Variants in DDR2 observed in about 807,000 individuals in gnomAD.
The protein encoded by DDR2 is discoidin domain-containing receptor 2.
In DDR2, 27 loss-of-function variants were observed where a neutral mutation model predicts 94.9. That is an observed-to-expected ratio of 0.28 (90% CI 0.21 to 0.39). The LOEUF (loss-of-function observed/expected upper bound fraction) is 0.39, where lower values mean the gene tolerates loss of function less well. Among genes scored for constraint, DDR2 ranks in the 10% least tolerant of loss-of-function variants. The pLI, the probability that DDR2 is intolerant of heterozygous loss-of-function variation, is 1.00. For missense variants in DDR2, 783 were observed against 1,076.0 expected, an observed-to-expected ratio of 0.73 and a Z score of 3.81; for synonymous variants, 382 against 377.2, an observed-to-expected ratio of 1.01 and a Z score of -0.15.
At chr1:162,639,752 T>TA (rs1234457244) in intron 1 of DDR2, among the ~76,000 whole-genome samples, 1 of 152,232 alleles carries the variant, frequency 6.6e-6, no homozygotes, top group African/African-American at 2.4e-5. Flanking sequence ...CGGTTCAACT[T>TA]ACGATTTTTC....
At chr1:162,705,966 G>A (rs575361041) in intron 2 of DDR2, among the ~76,000 whole-genome samples, 3 of 152,320 alleles carry the variant, frequency 2.0e-5, no homozygotes, top group Non-Finnish European at 4.4e-5. Flanking sequence ...GTCTTGAGGA[G>A]GAGATAAAAA....
At chr1:162,755,425 G>A in intron 6 of DDR2, 122 bp downstream of exon 6, 1 of 1,315,796 alleles carries the variant, frequency 7.6e-7, no homozygotes. Flanking sequence ...GCCCTCTTGG[G>A]AAGAATAGAG....
intron 3 of DDR2, among the ~76,000 whole-genome samples, chr1:162,732,257 T>C (rs1426501366): frequency 6.6e-6 from 1 of 152,200 alleles, no homozygotes; most frequent in Admixed American, 6.5e-5. Flanking sequence ...AAATAATCTT[T>C]CTTGGCCCCC....
chr1:162,726,581 T>C (rs1661676560), intron 3 of DDR2, among the ~76,000 whole-genome samples: 1 of 152,126 alleles, frequency 6.6e-6, no homozygotes, highest in Admixed American at 6.6e-5. Context: ...CTGTTGTCAG[T>C]AGGGATAGAG....
rs1663406569 is a variant in DDR2 at position 162,755,320 on chromosome 1, G to A, written c.565+17G>A. 3 of 1,613,424 alleles carry A rather than the reference G, an allele frequency of 1.9e-6. No individual in the cohort carries two copies. In the East Asian group the frequency reaches 6.7e-5, roughly 36 times the overall value. ...TCTGGCTAGGTAGGTCACTAGCCCA[G>A]GAAGCCTATAGACTTTATTAAAAAC... On this transcript the variant is annotated intron_variant, in intron 6 of 17. Coordinates refer to ENST00000367921, the MANE Select transcript of DDR2 (RefSeq NM_006182.4).
chr1:162,750,302 A>T (rs574295807), intron 3 of DDR2, among the ~76,000 whole-genome samples: 1 of 152,344 alleles, frequency 6.6e-6, no homozygotes, highest in East Asian at 1.9e-4. Context: ...AAGTCTCAGG[A>T]TACAAAATCA....
intron 12 of DDR2, 48 bp downstream of exon 12, chr1:162,770,560 G>GC: frequency 6.4e-7 from 1 of 1,573,564 alleles, no homozygotes; most frequent in South Asian, 1.1e-5. Flanking sequence ...ACCTCAGCAA[G>GC]CATCAGGTAG....
At position 162,782,112 on chromosome 1, in the gene DDR2, A is replaced by G. The variant is rs1647934393; in HGVS notation, c.*1866A>G. On this transcript the variant is annotated 3_prime_UTR_variant, in exon 18 of 18. Transcript: ENST00000367921. Reference sequence around the variant, plus strand: ...TCCCAGGACTAACTGTGGAGAAATCATTGGTTTGAGAGTCAAGAGAGCATT... The same window carrying G: ...TCCCAGGACTAACTGTGGAGAAATCGTTGGTTTGAGAGTCAAGAGAGCATT... 6.6e-6 allele frequency: 1 copy of G among 152,200 alleles called. No individual in the cohort carries two copies. Among genetic ancestry groups the G allele is most frequent in the African/African-American group, 2.4e-5 (1 of 41,440 alleles). 9.4% of individuals were successfully genotyped at this position (152,200 alleles called of 1,614,324 possible). A position where few individuals can be genotyped will look rare whatever the true frequency, so the allele number is the denominator to read the frequency against.
chr1:162,727,260 G>GTAAATA (rs964702702), intron 3 of DDR2, among the ~76,000 whole-genome samples: 3 of 54,812 alleles, frequency 5.5e-5, no homozygotes, highest in African/African-American at 1.3e-4. Flanking sequence ...TTTATATTTT[G>GTAAATA]TAAATATAAA....
At chr1:162,760,041 A>G in intron 8 of DDR2, 62 bp downstream of exon 8, 3 of 1,610,112 alleles carry the variant, frequency 1.9e-6, no homozygotes, top group Non-Finnish European at 2.5e-6. Flanking sequence ...TGTGGTAGAG[A>G]AAAGGCATGC....
In DDR2 at chr1:162,776,193, C is replaced by G. The variant is rs2102198641; in HGVS notation, c.2106C>G (p.Ser702=). 8 of 1,613,528 alleles carry G rather than the reference C, an allele frequency of 5.0e-6. No individual in the cohort carries two copies. The highest frequency in any genetic ancestry group is 6.8e-6 in the Non-Finnish European group (8 of 1,179,812). Residue 702 remains serine (S), a synonymous_variant, in exon 16 of 18, where the codon TCC becomes TCG. Transcript: ENST00000367921. ...TQIASGMKYL[S]SLNFVHRDLA... is the part of the protein sequence containing the mutation. ...TTGCCTCTGGCATGAAGTACCTTTCCTCTCTTAATTTTGTTCACCGAGATC... is the reference window on the plus strand; with the variant it reads ...TTGCCTCTGGCATGAAGTACCTTTCGTCTCTTAATTTTGTTCACCGAGATC...
intron 10 of DDR2, among the ~76,000 whole-genome samples, chr1:162,766,693 G>T (rs1324796318): frequency 6.6e-6 from 1 of 152,118 alleles, no homozygotes; most frequent in African/African-American, 2.4e-5. Context: ...CACATGGAGA[G>T]GGGGAGACTA....
At chr1:162,777,699 T>G (rs1166022103) in intron 16 of DDR2, 1 of 152,196 alleles carries the variant, frequency 6.6e-6, no homozygotes, top group African/African-American at 2.4e-5. Context: ...ACCTCTCCTG[T>G]TTCATTTTTC....
intron 1 of DDR2, among the ~76,000 whole-genome samples, chr1:162,650,300 T>A (rs999574826): frequency 1.1e-4 from 16 of 147,620 alleles, no homozygotes; most frequent in African/African-American, 3.5e-4. Context: ...AAAAAAAAAA[T>A]AATAATAATA....
At chr1:162,699,316 C>T (rs1571214189) in intron 2 of DDR2, among the ~76,000 whole-genome samples, 1 of 152,324 alleles carries the variant, frequency 6.6e-6, no homozygotes, top group African/African-American at 2.4e-5. Context: ...TCTAAAGGAT[C>T]TATGTTCACT....
intron 3 of DDR2, among the ~76,000 whole-genome samples, chr1:162,736,766 A>G (rs1420571628): frequency 6.6e-6 from 1 of 152,206 alleles, no homozygotes; most frequent in African/African-American, 2.4e-5. Context: ...AAGAATGGGC[A>G]GTGTGGTATT....
At chr1:162,654,617 T>C (rs894677206) in intron 1 of DDR2, among the ~76,000 whole-genome samples, 1 of 152,196 alleles carries the variant, frequency 6.6e-6, no homozygotes, top group Non-Finnish European at 1.5e-5. Flanking sequence ...CTTTTCATCG[T>C]GTGGAGCAGT....
rs949216970 is a variant in DDR2 at position 162,767,156 on chromosome 1, C to T, written c.1163-73C>T. On this transcript the variant is annotated intron_variant, in intron 10 of 17. Transcript: ENST00000367921. ...AGGAACAGGGTCTACCTCCATGTTT[C>T]CAGTTCAGTCCCTCATACTTTTACT... is the stretch of plus-strand genomic sequence containing the variant. 4 of 1,606,868 alleles carry T rather than the reference C, an allele frequency of 2.5e-6. No homozygotes were observed. In the African/African-American group the frequency reaches 5.4e-5, roughly 22 times the overall value.
chr1:162,728,291 C>T (rs964012141), intron 3 of DDR2, among the ~76,000 whole-genome samples: 1 of 150,530 alleles, frequency 6.6e-6, no homozygotes, highest in Non-Finnish European at 1.5e-5. Flanking sequence ...ACATTTTACC[C>T]AATCAGGTCA....
Sources: allele counts gnomAD v4.1 joint callset (sites outside exome capture counted in the v4.1 genomes callset), GRCh38; gene constraint gnomAD v4.1.1; transcripts MANE v1.5; gene names NCBI Gene and HGNC (gene_info 2026-07-23, HGNC 2026-07-21).